Variants in CREG2 observed in about 807,000 individuals in gnomAD.
CREG2 encodes protein CREG2.
Under a neutral mutation model 26.2 loss-of-function variants are expected in CREG2, and 24 were observed. The ratio of observed to expected loss-of-function variants is 0.92; its 90% CI spans 0.66 to 1.29. The LOEUF (loss-of-function observed/expected upper bound fraction) is 1.29. CREG2 is among the 50% of genes most tolerant of loss of function. CREG2 has a pLI of 0.00. For missense variants in CREG2, 366 were observed against 398.6 expected (o/e 0.92, Z 0.70); for synonymous variants, 174 against 169.2 (o/e 1.03, Z -0.22).
intron 1 of CREG2, 135 bp downstream of exon 1, chr2:101,386,882 G>T: frequency 3.3e-6 from 3 of 902,786 alleles, no homozygotes; most frequent in South Asian, 1.1e-4. Context: ...CAGTGTCGAG[G>T]GTCCCATCCA....
intron 2 of CREG2, among the ~76,000 whole-genome samples, chr2:101,379,582 A>ACTTGT (rs1454481562): frequency 2.6e-5 from 4 of 152,348 alleles, no homozygotes; most frequent in African/African-American, 9.6e-5. Flanking sequence ...ATGACTTGTC[A>ACTTGT]ACCTACATGC....
intron 2 of CREG2, among the ~76,000 whole-genome samples, chr2:101,364,695 C>G (rs1684595145): frequency 6.6e-6 from 1 of 152,326 alleles, no homozygotes; most frequent in East Asian, 1.9e-4. Flanking sequence ...AAAGGGGCAG[C>G]CTCAGTTTGG....
chr2:101,364,259 G>A (rs1558816574), intron 2 of CREG2, among the ~76,000 whole-genome samples: 2 of 152,140 alleles, frequency 1.3e-5, no homozygotes, highest in South Asian at 2.1e-4. Context: ...ACCTTGGCAC[G>A]GTTGACATTT....
intron 2 of CREG2, among the ~76,000 whole-genome samples, chr2:101,366,355 AT>A (rs1306883195): frequency 3.3e-5 from 5 of 152,098 alleles, no homozygotes; most frequent in African/African-American, 1.2e-4. Flanking sequence ...TTACTCCTCA[AT>A]TCAATGTTCC....
Position 101,346,999 on chromosome 2 carries a change from C to T in CREG2, c.*3924G>A, listed in dbSNP as rs1389681043. 6.6e-6 allele frequency: 1 copy of T among 152,212 alleles called. No homozygotes were observed. The highest frequency in any genetic ancestry group is 1.5e-5 in the Non-Finnish European group (1 of 68,048). The allele number at this position is 152,212 out of a possible 1,614,324, so 9.4% of individuals were successfully genotyped here. On this transcript the variant is annotated 3_prime_UTR_variant, in exon 4 of 4. Coordinates refer to ENST00000324768, the MANE Select transcript of CREG2 (RefSeq NM_153836.4). ...CAACTCTCTTGTTCTCCCCACTCCT[C>T]CCTGGCAACCCCTAATCTATTCTCC...
intron 2 of CREG2, among the ~76,000 whole-genome samples, chr2:101,362,199 C>A (rs1050672540): frequency 2.0e-5 from 3 of 152,092 alleles, no homozygotes; most frequent in Non-Finnish European, 2.9e-5. Flanking sequence ...GAGAGATGCT[C>A]ACTTTTGTTG....
In CREG2 at chr2:101,387,152, C is replaced by G; in HGVS notation, c.306G>C (p.Gly102=). The change falls in exon 1 of 4, where the codon GGG becomes GGC. Residue 102 remains glycine (G), a synonymous_variant. Coordinates refer to ENST00000324768, the MANE Select transcript of CREG2 (RefSeq NM_153836.4). The surrounding 1 kb of genome is among the most constrained non-coding windows in gnomAD (Gnocchi z 4.7). ...CGCCCTCGCGCCGGTAGGAGAACATCCCGGGTGGCGCGGGGGGCGGCCTGG... is the reference window on the plus strand; with the variant it reads ...CGCCCTCGCGCCGGTAGGAGAACATGCCGGGTGGCGCGGGGGGCGGCCTGG... The part of the protein sequence containing the change: ...ARARPPPAPP[G]MFSYRREGGQ... 1 of 1,265,642 alleles carries G rather than the reference C, an allele frequency of 7.9e-7. No individual in the cohort carries two copies. The highest frequency in any genetic ancestry group is 4.2e-5 in the Admixed American group (1 of 23,908). The allele number at this position is 1,265,642 out of a possible 1,614,324, so 78.4% of individuals were successfully genotyped here.
chr2:101,355,275 CA>C lies in CREG2; in HGVS notation c.702del (p.Phe234LeufsTer13). The C allele has an allele frequency of 1.2e-6, 2 of 1,613,206 alleles. No homozygotes were observed. The highest frequency in any genetic ancestry group is 1.7e-6 in the Non-Finnish European group (2 of 1,179,192). On this transcript the variant is annotated frameshift_variant, in exon 3 of 4. Transcript: ENST00000324768. LOFTEE classifies it high-confidence loss of function. ...MIAVSPEEVE[F>X]AKQAMFSRHP... ...CACCTTGAAAACATGGCTTGCTTGG[CA>C]AATTCTACTTCTTCTGGAGACACTG...
chr2:101,355,695 G>A (rs1220967838), intron 2 of CREG2, among the ~76,000 whole-genome samples: 3 of 140,804 alleles, frequency 2.1e-5, no homozygotes, highest in East Asian at 2.5e-4. Context: ...AGGGACTTGC[G>A]ACAGTGGGGT....
At chr2:101,365,911 C>A (rs1289820730) in intron 2 of CREG2, among the ~76,000 whole-genome samples, 6 of 152,152 alleles carry the variant, frequency 3.9e-5, no homozygotes, top group African/African-American at 1.4e-4. Flanking sequence ...ACCAGTAGAC[C>A]CTTTTGGTCA....
At chr2:101,375,077 A>T (rs1684769392) in intron 2 of CREG2, among the ~76,000 whole-genome samples, 1 of 152,112 alleles carries the variant, frequency 6.6e-6, no homozygotes, top group African/African-American at 2.4e-5. Context: ...TGCCTATGAG[A>T]TAGGGCAGGG....
At chr2:101,375,264 G>C (rs1031699855) in intron 2 of CREG2, among the ~76,000 whole-genome samples, 1 of 152,076 alleles carries the variant, frequency 6.6e-6, no homozygotes, top group African/African-American at 2.4e-5. Context: ...GGCCCACTGG[G>C]CTTCAATCCA....
chr2:101,352,503 G>A (rs527428713), intron 3 of CREG2, among the ~76,000 whole-genome samples: 1 of 152,272 alleles, frequency 6.6e-6, no homozygotes, highest in South Asian at 2.1e-4. Context: ...CTGACAGTGA[G>A]GGCTTATAAA....
chr2:101,383,779 G>C, intron 1 of CREG2, 77 bp from the exon 2 acceptor site: 1 of 1,395,830 alleles, frequency 7.2e-7, no homozygotes, highest in Non-Finnish European at 9.7e-7. Context: ...TTGTGCCTCT[G>C]GCTAGGAAAT....
chr2:101,361,566 C>G (rs777316607), intron 2 of CREG2, among the ~76,000 whole-genome samples: 1 of 152,184 alleles, frequency 6.6e-6, no homozygotes, highest in Admixed American at 6.5e-5. Context: ...GACTCTGCCC[C>G]AGGGCTTCCA....
At chr2:101,358,993 C>T (rs1684501234) in intron 2 of CREG2, among the ~76,000 whole-genome samples, 1 of 23,268 alleles carries the variant, frequency 4.3e-5, no homozygotes, top group African/African-American at 7.7e-5. Context: ...CGAGATCCCG[C>T]CACTGCACTC....
intron 2 of CREG2, among the ~76,000 whole-genome samples, chr2:101,373,295 G>A (rs1684740486): frequency 6.6e-6 from 1 of 152,112 alleles, no homozygotes; most frequent in African/African-American, 2.4e-5. Context: ...GCCATAAAAA[G>A]GAATGAATTA....
chr2:101,350,031 G>GCCCAGGGCCTAGCCCAGGGCCTA lies in CREG2; in HGVS notation c.*891_*892insTAGGCCCTGGGCTAGGCCCTGGG, dbSNP rs1684354641. On this transcript the variant is annotated 3_prime_UTR_variant, in exon 4 of 4. Transcript: ENST00000324768. ...ATGAGATGGCTTCTGTTGAGGGCCT[G>GCCCAGGGCCTAGCCCAGGGCCTA]GCCCAGGGCCGGGCAGGCAGTGGGC... 1 of 152,198 alleles carries GCCCAGGGCCTAGCCCAGGGCCTA rather than the reference G, an allele frequency of 6.6e-6. No homozygotes were observed. Among genetic ancestry groups the GCCCAGGGCCTAGCCCAGGGCCTA allele is most frequent in the Non-Finnish European group, 1.5e-5 (1 of 68,066 alleles). The allele number at this position is 152,198 out of a possible 1,614,324, so 9.4% of individuals were successfully genotyped here.
At chr2:101,363,628 A>G (rs895952041) in intron 2 of CREG2, among the ~76,000 whole-genome samples, 2 of 152,190 alleles carry the variant, frequency 1.3e-5, no homozygotes, top group Admixed American at 6.5e-5. Flanking sequence ...AATTATACCT[A>G]TATATAAACA....
Sources: allele counts gnomAD v4.1 joint callset (sites outside exome capture counted in the v4.1 genomes callset), GRCh38; gene constraint gnomAD v4.1.1; non-coding constraint Gnocchi (gnomAD v3.1); transcripts MANE v1.5; gene names NCBI Gene and HGNC (gene_info 2026-07-23, HGNC 2026-07-21).